CSMD1: variants seen among roughly 807,000 people sequenced by gnomAD.
CSMD1 encodes the protein CUB and sushi domain-containing protein 1.
A neutral mutation model predicts 417.5 loss-of-function variants in CSMD1; 213 were observed. The ratio of observed to expected loss-of-function variants is 0.51; its 90% CI spans 0.46 to 0.57. The LOEUF (loss-of-function observed/expected upper bound fraction) is 0.57. Ranked by LOEUF, CSMD1 falls within the 20% of genes least tolerant of loss-of-function variation. The probability of loss-of-function intolerance (pLI) is 0.00; values close to 1 mark genes in which losing one functional copy is unlikely to be tolerated. For synonymous variants in CSMD1, 2,862 were observed against 1,736.8 expected, an observed-to-expected ratio of 1.65 and a Z score of -16.11; for missense variants, 6,923 against 4,529.7, an observed-to-expected ratio of 1.53 and a Z score of -15.17.
chr8:4,107,991 T>C (rs1297444086), intron 3 of CSMD1, among the ~76,000 whole-genome samples: 1 of 148,818 alleles, frequency 6.7e-6, no homozygotes, highest in Non-Finnish European at 1.5e-5. Context: ...CTTAGAGAAG[T>C]AGAAAGTAAG....
intron 25 of CSMD1, among the ~76,000 whole-genome samples, chr8:3,296,028 A>C (rs986284363): frequency 6.6e-6 from 1 of 152,102 alleles, no homozygotes; most frequent in Non-Finnish European, 1.5e-5. Context: ...TACAGGGAAG[A>C]GACAGGCAGT....
At chr8:4,340,738 T>C (rs549735641) in intron 3 of CSMD1, among the ~76,000 whole-genome samples, 6 of 152,064 alleles carry the variant, frequency 3.9e-5, no homozygotes, top group Non-Finnish European at 8.8e-5. Flanking sequence ...AACTGAAAAT[T>C]TATTTTCAGC....
chr8:3,741,831 G>T (rs1796820900), intron 6 of CSMD1, among the ~76,000 whole-genome samples: 1 of 152,118 alleles, frequency 6.6e-6, no homozygotes, highest in African/African-American at 2.4e-5. Context: ...TCTCAAATGT[G>T]CTCAAGTCGG....
At chr8:4,931,238 T>G (rs1243286421) in intron 1 of CSMD1, among the ~76,000 whole-genome samples, 1 of 152,196 alleles carries the variant, frequency 6.6e-6, no homozygotes, top group East Asian at 1.9e-4. Flanking sequence ...AATATTGTTT[T>G]CTCCTTCAAT....
chr8:4,344,947 T>C (rs1316723982), intron 3 of CSMD1, among the ~76,000 whole-genome samples: 3 of 152,260 alleles, frequency 2.0e-5, no homozygotes, highest in East Asian at 3.9e-4. Context: ...TCTGTTCCAA[T>C]GTGCAAAGAT....
At chr8:4,347,802 A>T (rs978212670) in intron 3 of CSMD1, among the ~76,000 whole-genome samples, 1 of 152,074 alleles carries the variant, frequency 6.6e-6, no homozygotes, top group African/African-American at 2.4e-5. Context: ...TAAAATCTAT[A>T]ATCACTTAAA....
chr8:3,710,546 A>G (rs1801448769), intron 6 of CSMD1, among the ~76,000 whole-genome samples: 1 of 152,126 alleles, frequency 6.6e-6, no homozygotes, highest in African/African-American at 2.4e-5. Context: ...GCCCTTTGGG[A>G]CTGTCTTCCC....
At chr8:4,669,164 G>A (rs754888858) in intron 1 of CSMD1, among the ~76,000 whole-genome samples, 1 of 152,138 alleles carries the variant, frequency 6.6e-6, no homozygotes, top group East Asian at 1.9e-4. Flanking sequence ...TTCCTTTAGG[G>A]CTGGGATGTG....
chr8:2,962,473 G>C lies in CSMD1; in HGVS notation c.9621C>G (p.Thr3207=). 1 of 1,613,202 alleles carries C rather than the reference G, an allele frequency of 6.2e-7. No homozygotes were observed. The highest frequency in any genetic ancestry group is 1.7e-5 in the Admixed American group (1 of 60,000). The change falls in exon 61 of 70, where the codon ACC becomes ACG. Residue 3207 remains threonine, a synonymous_variant. Coordinates refer to ENST00000635120, the MANE Select transcript of CSMD1 (RefSeq NM_033225.6). ...ADGTWSGIQP[T]CIDPAHNTCP... is the part of the protein sequence containing the mutation. ...CTGTATGATAATTATTACCAATGCA[G>C]GTGGGTTGTATGCCGCTCCACGTGC...
At chr8:3,162,413 T>C (rs1046733313) in intron 37 of CSMD1, 136 bp from the exon 38 acceptor site, 26 of 638,080 alleles carry the variant, frequency 4.1e-5, no homozygotes, top group Non-Finnish European at 6.4e-5. Context: ...CTTGTTATTC[T>C]ACCAAGAAGA....
intron 10 of CSMD1, among the ~76,000 whole-genome samples, chr8:3,522,165 A>C (rs1209802697): frequency 6.6e-6 from 1 of 152,188 alleles, no homozygotes; most frequent in Non-Finnish European, 1.5e-5. Context: ...AATTATTCGA[A>C]GTGTTCAGCA....
intron 1 of CSMD1, among the ~76,000 whole-genome samples, chr8:4,969,189 G>A (rs1810084830): frequency 6.6e-6 from 1 of 151,910 alleles, no homozygotes; most frequent in African/African-American, 2.4e-5. Flanking sequence ...CGTGTGTGTT[G>A]GTCTCCTGCT....
chr8:3,994,824 C>T (rs1030597412), intron 5 of CSMD1, among the ~76,000 whole-genome samples: 1 of 152,170 alleles, frequency 6.6e-6, no homozygotes, highest in South Asian at 2.1e-4. Flanking sequence ...GAAAATAAGG[C>T]TAATCCTATT....
chr8:3,732,116 A>G (rs1228344812), intron 6 of CSMD1, among the ~76,000 whole-genome samples: 1 of 152,180 alleles, frequency 6.6e-6, no homozygotes, highest in African/African-American at 2.4e-5. Flanking sequence ...AGGGCCTTGG[A>G]GGAGAGGGCT....
At chr8:4,201,957 G>C (rs897949613) in intron 3 of CSMD1, among the ~76,000 whole-genome samples, 1 of 150,880 alleles carries the variant, frequency 6.6e-6, no homozygotes, top group African/African-American at 2.5e-5. Flanking sequence ...CAAAAACCCT[G>C]AGACAGAAAA....
At chr8:4,439,447 T>C (rs1291332497) in intron 2 of CSMD1, among the ~76,000 whole-genome samples, 1 of 152,134 alleles carries the variant, frequency 6.6e-6, no homozygotes, top group African/African-American at 2.4e-5. Context: ...TCATCTAACT[T>C]TTTCCTAACA....
At chr8:4,034,012 A>C (rs556884648) in intron 3 of CSMD1, among the ~76,000 whole-genome samples, 2 of 152,210 alleles carry the variant, frequency 1.3e-5, no homozygotes, top group Non-Finnish European at 2.9e-5. Flanking sequence ...AAACACTTCC[A>C]AATAAAAATG....
chr8:4,767,637 C>T (rs573496136), intron 1 of CSMD1, among the ~76,000 whole-genome samples: 20 of 152,284 alleles, frequency 1.3e-4, no homozygotes, highest in African/African-American at 4.8e-4. Context: ...TAAGCTTCTT[C>T]GTCTTTCGTT....
chr8:3,444,381 T>G (rs568294911), intron 12 of CSMD1, among the ~76,000 whole-genome samples: 2 of 152,206 alleles, frequency 1.3e-5, no homozygotes, highest in African/African-American at 4.8e-5. Context: ...ATACATTCCA[T>G]AGATTGAAAA....
Sources: allele counts gnomAD v4.1 joint callset (sites outside exome capture counted in the v4.1 genomes callset), GRCh38; gene constraint gnomAD v4.1.1; transcripts MANE v1.5; gene names NCBI Gene and HGNC (gene_info 2026-07-23, HGNC 2026-07-21).